The following ARIH2 variants were observed in gnomAD, a reference collection of about 807,000 sequenced individuals.
The protein encoded by ARIH2 is ariadne RBR E3 ubiquitin protein ligase 2.
ARIH2 carries 12 observed loss-of-function variants against 79.8 expected under a neutral mutation model. The ratio of observed to expected loss-of-function variants is 0.15; its 90% CI spans 0.10 to 0.24. The LOEUF is 0.24. Among genes scored for constraint, ARIH2 ranks in the 10% least tolerant of loss-of-function variants. The pLI, the probability that ARIH2 is intolerant of heterozygous loss-of-function variation, is 1.00. For missense variants in ARIH2, 301 were observed against 618.3 expected (o/e 0.49, Z 5.44); for synonymous variants, 224 against 213.9 (o/e 1.05, Z -0.41).
At chr3:48,957,797 CCT>C (rs2090766815) in intron 3 of ARIH2, among the ~76,000 whole-genome samples, 1 of 152,182 alleles carries the variant, frequency 6.6e-6, no homozygotes, top group African/African-American at 2.4e-5. Flanking sequence ...CTCACTACAA[CCT>C]CCGCCTCCCG....
chr3:48,943,753 A>G (rs1250939132), intron 3 of ARIH2, among the ~76,000 whole-genome samples: 1 of 152,168 alleles, frequency 6.6e-6, no homozygotes, highest in African/African-American at 2.4e-5. Flanking sequence ...TGGCTTTTTC[A>G]TTAAGATGTG....
At chr3:48,944,868 C>G (rs2088892683) in intron 3 of ARIH2, 1 of 319,988 alleles carries the variant, frequency 3.1e-6, no homozygotes, top group Non-Finnish European at 6.2e-6. Context: ...CCAAATCCAT[C>G]TGTCTTGATC....
chr3:48,931,477 G>A (rs1273404702), intron 3 of ARIH2, among the ~76,000 whole-genome samples: 7 of 151,514 alleles, frequency 4.6e-5, no homozygotes, highest in Admixed American at 6.6e-5. Flanking sequence ...GTGAACCCGC[G>A]GGCAGAGGTT....
At chr3:48,963,302 C>G (rs1456736388) in intron 4 of ARIH2, among the ~76,000 whole-genome samples, 1 of 151,952 alleles carries the variant, frequency 6.6e-6, no homozygotes, top group African/African-American at 2.4e-5. Flanking sequence ...AATAGGATAT[C>G]TCTCACTGCC....
chr3:48,949,198 A>G, intron 3 of ARIH2: 1 of 434,586 alleles, frequency 2.3e-6, no homozygotes, highest in South Asian at 1.7e-5. Flanking sequence ...GCTCACTGCA[A>G]GCTCCACCTC....
chr3:48,946,990 G>A (rs898651186), intron 3 of ARIH2, among the ~76,000 whole-genome samples: 1 of 152,194 alleles, frequency 6.6e-6, no homozygotes, highest in Non-Finnish European at 1.5e-5. Flanking sequence ...TTCATACTAA[G>A]GGGCAGGCAC....
In ARIH2 at chr3:48,949,453, T is replaced by C. The variant is rs1050207236; in HGVS notation, c.256-12159T>C. 4.6e-5 allele frequency among the ~76,000 whole-genome samples: 7 copies of C among 152,350 alleles called. 1 individual carries two copies. Among genetic ancestry groups the C allele is most frequent in the Admixed American group, 4.6e-4 (7 of 15,298 alleles). On this transcript the variant is annotated intron_variant, in intron 3 of 15. Transcript: ENST00000356401. ...AAACTGTTTTCCAAAGTGGCTCTAC[T>C]ACTTTACATTCCCACTAGCATTATG...
intron 3 of ARIH2, among the ~76,000 whole-genome samples, chr3:48,930,302 A>G (rs1036123253): frequency 4.6e-5 from 7 of 152,156 alleles, no homozygotes; most frequent in Non-Finnish European, 1.0e-4. Flanking sequence ...TTATTTACTT[A>G]TATTTTTAAA....
rs564458120 is a variant in ARIH2 at position 48,937,704 on chromosome 3, A to G, written c.255+9891A>G. Among the ~76,000 whole-genome samples, 6 of 152,224 alleles carry G rather than the reference A, an allele frequency of 3.9e-5. 1 individual carries two copies. In the South Asian group the frequency reaches 1.0e-3, roughly 26 times the overall value. ...GTGCTTCAATTTGTAAACAGAAGAC[A>G]TTCTCTTCAAAGGACTTTTTCATGA... On this transcript the variant is annotated intron_variant, in intron 3 of 15. Transcript: ENST00000356401.
chr3:48,941,670 G>A (rs2107236131), intron 3 of ARIH2, among the ~76,000 whole-genome samples: 1 of 147,912 alleles, frequency 6.8e-6, no homozygotes, highest in Admixed American at 6.9e-5. Flanking sequence ...TCGGCTCACT[G>A]CAAGCTCCAC....
chr3:48,983,000 T>C (rs1370580156), intron 15 of ARIH2, 21 bp downstream of exon 15: 2 of 1,607,062 alleles, frequency 1.2e-6, no homozygotes, highest in South Asian at 2.2e-5. Context: ...ACTGTCCTCT[T>C]GGATTCTATA....
chr3:48,923,427 CATT>C (rs1307546642), intron 2 of ARIH2, among the ~76,000 whole-genome samples: 1 of 147,564 alleles, frequency 6.8e-6, no homozygotes, highest in East Asian at 2.0e-4. Flanking sequence ...AGACTGCAAA[CATT>C]ATTTTTATTG....
intron 3 of ARIH2, among the ~76,000 whole-genome samples, chr3:48,937,978 C>A (rs929560075): frequency 1.4e-5 from 2 of 141,100 alleles, no homozygotes; most frequent in African/African-American, 5.3e-5. Flanking sequence ...ACCTGGGAGG[C>A]GGAGCTTGCA....
intron 8 of ARIH2, 123 bp downstream of exon 8, chr3:48,970,827 C>G: frequency 1.5e-6 from 1 of 682,014 alleles, no homozygotes. Context: ...AACAGAACAG[C>G]TGTGCTCCAA....
chr3:48,939,768 AAAAAAAAACAAAAAC>A (rs2087776637), intron 3 of ARIH2, among the ~76,000 whole-genome samples: 3 of 150,016 alleles, frequency 2.0e-5, no homozygotes, highest in African/African-American at 7.4e-5. Context: ...AAAAAAAAAA[AAAAAAAAACAAAAAC>A]AAAAAAACAA....
chr3:48,970,084 G>T (rs947491923), intron 7 of ARIH2, among the ~76,000 whole-genome samples: 1 of 151,974 alleles, frequency 6.6e-6, no homozygotes, highest in Non-Finnish European at 1.5e-5. Context: ...TAGAGACAGG[G>T]TTTCACCATG....
rs1046505462 is a variant in ARIH2, at chr3:48,968,246, C to T, written c.539-288C>T. On this transcript the variant is annotated intron_variant, in intron 6 of 15. Coordinates refer to ENST00000356401, the MANE Select transcript of ARIH2 (RefSeq NM_006321.4). ...TTTTTGAGACGGAGTCTCGCTCTGT[C>T]GCCCAGGCTGGAGTGCAGTGGCGGG... 27 of 144,366 alleles carry T rather than the reference C, an allele frequency of 1.9e-4. No individual in the cohort carries two copies. In the South Asian group the frequency reaches 2.3e-3, roughly 12 times the overall value. 8.9% of individuals were successfully genotyped at this position (144,366 alleles called of 1,614,324 possible).
chr3:48,953,599 C>T (rs1309651491), intron 3 of ARIH2, among the ~76,000 whole-genome samples: 1 of 151,816 alleles, frequency 6.6e-6, no homozygotes, highest in African/African-American at 2.4e-5. Context: ...GACGGGGTTT[C>T]ACCGTGTCAG....
In ARIH2 at chr3:48,983,470, G is replaced by A; in HGVS notation, c.*200G>A. 2 of 600,262 alleles carry A rather than the reference G, an allele frequency of 3.3e-6. No individual in the cohort carries two copies. Among genetic ancestry groups the A allele is most frequent in the South Asian group, 4.1e-5 (2 of 49,162 alleles). The allele number at this position is 600,262 out of a possible 1,614,324, so 37.2% of individuals were successfully genotyped here. ...TTGTTTCTACCAGGGTAGAGGCCATGTTGAACTGGCCTCTTTTCAGGACTT... is the reference window on the plus strand; with the variant it reads ...TTGTTTCTACCAGGGTAGAGGCCATATTGAACTGGCCTCTTTTCAGGACTT... On this transcript the variant is annotated 3_prime_UTR_variant, in exon 16 of 16. Coordinates refer to ENST00000356401, the MANE Select transcript of ARIH2 (RefSeq NM_006321.4).
Sources: allele counts gnomAD v4.1 joint callset (sites outside exome capture counted in the v4.1 genomes callset), GRCh38; gene constraint gnomAD v4.1.1; transcripts MANE v1.5; gene names NCBI Gene and HGNC (gene_info 2026-07-23, HGNC 2026-07-21).